PCDH15: variants seen among roughly 807,000 people sequenced by gnomAD.
The protein encoded by PCDH15 is protocadherin related 15.
PCDH15 carries 129 observed loss-of-function variants against 178.5 expected under a neutral mutation model. The observed-to-expected ratio is 0.72, with a 90% CI of 0.63 to 0.84. The LOEUF (loss-of-function observed/expected upper bound fraction) is 0.84, where lower values mean the gene tolerates loss of function less well. Among genes scored for constraint, PCDH15 ranks in the 40% least tolerant of loss-of-function variants. The pLI is 0.00. For missense variants in PCDH15, 2,230 were observed against 2,099.9 expected, an observed-to-expected ratio of 1.06 and a Z score of -1.21; for synonymous variants, 800 against 732.0, an observed-to-expected ratio of 1.09 and a Z score of -1.50.
chr10:55,520,664 G>A (rs1841154063), intron 2 of PCDH15, among the ~76,000 whole-genome samples: 1 of 151,222 alleles, frequency 6.6e-6, no homozygotes, highest in South Asian at 2.1e-4. Context: ...GCCTACCAGT[G>A]AGCATTCAAA....
intron 3 of PCDH15, among the ~76,000 whole-genome samples, chr10:54,463,039 C>G (rs1392160295): frequency 6.6e-6 from 1 of 151,992 alleles, no homozygotes; most frequent in African/African-American, 2.4e-5. Context: ...AACGTAAAAA[C>G]TTTTAAGCTC....
At chr10:54,732,628 A>C (rs1943565584) in intron 1 of PCDH15, among the ~76,000 whole-genome samples, 1 of 151,570 alleles carries the variant, frequency 6.6e-6, no homozygotes, top group Non-Finnish European at 1.5e-5. Flanking sequence ...GAATTTTAAC[A>C]ATTCTGAACA....
chr10:54,207,539 C>T (rs1185187227), intron 10 of PCDH15, among the ~76,000 whole-genome samples: 1 of 152,034 alleles, frequency 6.6e-6, no homozygotes, highest in Admixed American at 6.6e-5. Flanking sequence ...TCTTTTTGAG[C>T]TTCTACATCC....
At chr10:55,218,570 G>A (rs1468276249) in intron 1 of PCDH15, among the ~76,000 whole-genome samples, 1 of 152,018 alleles carries the variant, frequency 6.6e-6, no homozygotes, top group Non-Finnish European at 1.5e-5. Flanking sequence ...TACATGTGGA[G>A]CACTTGATCT....
At chr10:54,564,049 T>C (rs891630463) in intron 2 of PCDH15, among the ~76,000 whole-genome samples, 7 of 152,118 alleles carry the variant, frequency 4.6e-5, no homozygotes, top group African/African-American at 1.7e-4. Context: ...TGTTGCCTAG[T>C]TCTAAATTAA....
At chr10:53,936,514 T>C (rs906382396) in intron 25 of PCDH15, among the ~76,000 whole-genome samples, 5 of 152,212 alleles carry the variant, frequency 3.3e-5, no homozygotes, top group African/African-American at 1.2e-4. Context: ...TTATGTTGAA[T>C]TAGGGAGTTG....
intron 2 of PCDH15, among the ~76,000 whole-genome samples, chr10:55,154,139 T>A (rs761124921): frequency 1.3e-5 from 2 of 152,126 alleles, no homozygotes; most frequent in Non-Finnish European, 2.9e-5. Context: ...ATTCAGATAA[T>A]TTTAGAGACC....
At chr10:54,853,145 C>T (rs890114639) in intron 3 of PCDH15, among the ~76,000 whole-genome samples, 13 of 147,064 alleles carry the variant, frequency 8.8e-5, no homozygotes, top group South Asian at 2.2e-4. Context: ...CTGTAATCCC[C>T]GCTACTTGGG....
At chr10:54,630,569 G>T (rs1473983823) in intron 2 of PCDH15, among the ~76,000 whole-genome samples, 1 of 152,100 alleles carries the variant, frequency 6.6e-6, no homozygotes, top group Admixed American at 6.6e-5. Flanking sequence ...CTAGGACATG[G>T]CATTCTGGAC....
chr10:54,552,689 A>C (rs1292956741), intron 2 of PCDH15, among the ~76,000 whole-genome samples: 1 of 152,186 alleles, frequency 6.6e-6, no homozygotes, highest in African/African-American at 2.4e-5. Flanking sequence ...ACAAAAGAGT[A>C]TCTAGTGGAT....
At chr10:54,379,097 A>G (rs1948855825) in intron 3 of PCDH15, among the ~76,000 whole-genome samples, 155 bp from the exon 4 acceptor site, 1 of 152,140 alleles carries the variant, frequency 6.6e-6, no homozygotes, top group African/African-American at 2.4e-5. Flanking sequence ...ATTCTTTACC[A>G]AAAGGCCAAA....
intron 27 of PCDH15, among the ~76,000 whole-genome samples, 154 bp from the exon 28 acceptor site, chr10:53,857,417 T>A (rs7083307): frequency 7.4e-4 from 106 of 144,116 alleles, no homozygotes; most frequent in Middle Eastern, 3.7e-3. Flanking sequence ...TTTAATTATA[T>A]GATCTACACA....
chr10:54,720,127 A>G (rs11004485), intron 1 of PCDH15, among the ~76,000 whole-genome samples: 18,540 of 152,100 alleles, frequency 0.12, 1,263 homozygotes, highest in African/African-American at 0.17. Context: ...ATTGTGGAAG[A>G]TAGTATGGTG....
rs759109238 is a variant in PCDH15 at position 53,827,488 on chromosome 10, T to C, written c.4272A>G (p.Pro1424=). ...CCACTGGTGCAGGAGCCGGCACTGCTGGTTTAGCCGCGGGTAATGCGGCCT... is the reference window on the plus strand; with the variant it reads ...CCACTGGTGCAGGAGCCGGCACTGCCGGTTTAGCCGCGGGTAATGCGGCCT... ...RIQAALPAAK[P]AVPAPAPVAA... The change falls in exon 32 of 38, where the codon CCA becomes CCG. Residue 1424 remains proline (P), a synonymous_variant. Coordinates refer to ENST00000644397, the MANE Select transcript of PCDH15 (RefSeq NM_001384140.1). 10 of 1,613,992 alleles carry C rather than the reference T, an allele frequency of 6.2e-6. No homozygotes were observed. The African/African-American group carries it at 8.0e-5, about 13-fold the overall frequency.
At chr10:54,445,685 A>G (rs1243848974) in intron 3 of PCDH15, among the ~76,000 whole-genome samples, 1 of 151,442 alleles carries the variant, frequency 6.6e-6, no homozygotes, top group African/African-American at 2.4e-5. Context: ...GAATGTCTGT[A>G]TATTTCTTAC....
At position 54,024,260 on chromosome 10, in the gene PCDH15, A is replaced by G. The variant is rs960870077; in HGVS notation, c.2221-1063T>C. Reference sequence around the variant, plus strand: ...TGTATATTTTGTTTTGAAAAGTTCCATGTAAAAGAAACTGAAATAAATCTT... The same window carrying G: ...TGTATATTTTGTTTTGAAAAGTTCCGTGTAAAAGAAACTGAAATAAATCTT... On this transcript the variant is annotated intron_variant, in intron 18 of 37. Coordinates refer to ENST00000644397, the MANE Select transcript of PCDH15 (RefSeq NM_001384140.1). Among the ~76,000 whole-genome samples the G allele has an allele frequency of 7.9e-5, 12 of 152,160 alleles. 1 individual carries two copies. The South Asian group carries it at 1.0e-3, about 13-fold the overall frequency.
intron 8 of PCDH15, among the ~76,000 whole-genome samples, chr10:54,279,512 C>G (rs1220776847): frequency 6.6e-6 from 1 of 151,570 alleles, no homozygotes; most frequent in Non-Finnish European, 1.5e-5. Flanking sequence ...TGAATGGTAT[C>G]AGTCTTAGAT....
intron 15 of PCDH15, among the ~76,000 whole-genome samples, chr10:54,097,298 T>C (rs2094718147): frequency 6.6e-6 from 1 of 152,222 alleles, no homozygotes; most frequent in South Asian, 2.1e-4. Context: ...TACTGTCTGT[T>C]TCTTTTACTT....
At chr10:54,448,138 C>T (rs1481856683) in intron 3 of PCDH15, among the ~76,000 whole-genome samples, 1 of 151,698 alleles carries the variant, frequency 6.6e-6, no homozygotes, top group African/African-American at 2.4e-5. Context: ...GGGCCACATA[C>T]ATAATTAAAA....
Sources: allele counts gnomAD v4.1 joint callset (sites outside exome capture counted in the v4.1 genomes callset), GRCh38; gene constraint gnomAD v4.1.1; transcripts MANE v1.5; gene names NCBI Gene and HGNC (gene_info 2026-07-23, HGNC 2026-07-21).